TRPM1: variants seen among roughly 807,000 people sequenced by gnomAD.
The protein encoded by TRPM1 is TRPM1-203 APA Isoform, Intron 10.
Under a neutral mutation model 149.4 loss-of-function variants are expected in TRPM1, and 113 were observed. The observed-to-expected ratio is 0.76, with a 90% CI of 0.65 to 0.88. The LOEUF (loss-of-function observed/expected upper bound fraction) is 0.88. Among genes scored for constraint, TRPM1 ranks in the 40% least tolerant of loss-of-function variants. The probability of loss-of-function intolerance (pLI) is 0.00; values close to 1 mark genes in which losing one functional copy is unlikely to be tolerated. For synonymous variants in TRPM1, 741 were observed against 759.5 expected, an observed-to-expected ratio of 0.98 and a Z score of 0.40; for missense variants, 1,976 against 2,038.7, an observed-to-expected ratio of 0.97 and a Z score of 0.59.
rs547303327 is a variant in TRPM1, at chr15:31,120,531, C to G, written c.54+40375G>C. On this transcript the variant is annotated intron_variant, in intron 1 of 26. Transcript: ENST00000542188. ...TTAGTAAGGATATAGTTGCATTTAA[C>G]AGTACTATCTATTAACTTAATCTAA... 2.0e-5 allele frequency among the ~76,000 whole-genome samples: 3 copies of G among 152,284 alleles called. No individual in the cohort carries two copies. The South Asian group carries it at 6.2e-4, about 32-fold the overall frequency.
At chr15:31,104,844 C>T (rs958168528), upstream of TRPM1, among the ~76,000 whole-genome samples, 44 of 152,162 alleles carry the variant, frequency 2.9e-4, no homozygotes, top group Admixed American at 1.5e-3. Flanking sequence ...TCCGCCCACC[C>T]TGGCCTCCCA....
chr15:31,103,333 G>C (rs1490521319), upstream of TRPM1, among the ~76,000 whole-genome samples: 1 of 152,322 alleles, frequency 6.6e-6, no homozygotes. Context: ...CACAGGCCAC[G>C]CGTGGCTATG....
chr15:31,067,611 T>C (rs1263172757), intron 5 of TRPM1, among the ~76,000 whole-genome samples: 1 of 152,138 alleles, frequency 6.6e-6, no homozygotes, highest in African/African-American at 2.4e-5. Context: ...ATGATGCTTG[T>C]ACAGGGCTCA....
chr15:31,011,626 T>A (rs970279021), intron 27 of TRPM1, among the ~76,000 whole-genome samples: 1 of 151,892 alleles, frequency 6.6e-6, no homozygotes, highest in African/African-American at 2.4e-5. Context: ...ATCAGTAACA[T>A]CTTAATTTAT....
intron 1 of TRPM1, among the ~76,000 whole-genome samples, chr15:31,120,809 C>G (rs12324831): frequency 0.32 from 47,771 of 151,052 alleles, 8,261 homozygotes; most frequent in East Asian, 0.73. Flanking sequence ...TAACAGGAGT[C>G]AAAGAAAAAT....
chr15:31,116,286 C>T (rs960139245), intron 1 of TRPM1, among the ~76,000 whole-genome samples: 1 of 152,052 alleles, frequency 6.6e-6, no homozygotes, highest in Non-Finnish European at 1.5e-5. Flanking sequence ...AAGTCACAGC[C>T]CAAGAACACA....
At position 31,042,254 on chromosome 15, in the gene TRPM1, A is replaced by G; in HGVS notation, c.1795-11T>C. On this transcript the variant is annotated splice_polypyrimidine_tract_variant and intron_variant, in intron 16 of 27. Transcript: ENST00000256552. Reference sequence around the variant, plus strand: ...TGGAGGCTCATCATCCTGAGGGGAGAAACATGGATTTCATGGTTTTGCCAT... The same window carrying G: ...TGGAGGCTCATCATCCTGAGGGGAGGAACATGGATTTCATGGTTTTGCCAT... 6.4e-7 allele frequency: 1 copy of G among 1,560,200 alleles called. No homozygotes were observed.
chr15:31,087,038 C>T lies in TRPM1; in HGVS notation c.-83-5600G>A, dbSNP rs556102034. On this transcript the variant is annotated intron_variant, in intron 1 of 27. Coordinates refer to ENST00000256552, the MANE Select transcript of TRPM1 (RefSeq NM_001252024.2). ...AACCACAATGAGATACTATCTCATGCCCATTAGGATGGATACTCTGAAAAA... is the reference window on the plus strand; with the variant it reads ...AACCACAATGAGATACTATCTCATGTCCATTAGGATGGATACTCTGAAAAA... Among the ~76,000 whole-genome samples, 11 of 152,056 alleles carry T rather than the reference C, an allele frequency of 7.2e-5. No individual in the cohort carries two copies. The South Asian group carries it at 1.0e-3, about 14-fold the overall frequency.
chr15:31,065,239 C>G (rs994748635), intron 7 of TRPM1: 1 of 441,274 alleles, frequency 2.3e-6, no homozygotes, highest in Non-Finnish European at 4.6e-6. Flanking sequence ...AGATCTGATT[C>G]TCGGAAATCT....
chr15:31,077,499 C>T (rs950328793), intron 2 of TRPM1, among the ~76,000 whole-genome samples: 3 of 152,198 alleles, frequency 2.0e-5, no homozygotes, highest in Non-Finnish European at 2.9e-5. Context: ...GTGAACCGGC[C>T]TGCATCTGAA....
At chr15:31,119,869 T>C (rs2035853630) in intron 1 of TRPM1, among the ~76,000 whole-genome samples, 1 of 152,026 alleles carries the variant, frequency 6.6e-6, no homozygotes, top group South Asian at 2.1e-4. Flanking sequence ...ATTAATATGG[T>C]AAGAGAAGAG....
chr15:31,152,411 C>T (rs182018436), intron 1 of TRPM1, among the ~76,000 whole-genome samples: 14 of 152,280 alleles, frequency 9.2e-5, no homozygotes, highest in African/African-American at 3.1e-4. Context: ...GTGGAAGTGG[C>T]CCACTGCAGG....
At chr15:31,027,208 T>C in intron 25 of TRPM1, 91 bp from the exon 26 acceptor site, 1 of 1,232,672 alleles carries the variant, frequency 8.1e-7, no homozygotes, top group Non-Finnish European at 1.2e-6. Flanking sequence ...TAAGTGAAAA[T>C]ACTCAATGAG....
At chr15:31,113,721 T>C (rs563632596) in intron 1 of TRPM1, among the ~76,000 whole-genome samples, 3 of 152,200 alleles carry the variant, frequency 2.0e-5, no homozygotes, top group South Asian at 2.1e-4. Flanking sequence ...GGTGGATTTC[T>C]GGTCCCACCG....
chr15:31,046,608 C>T (rs2033772041), intron 15 of TRPM1, among the ~76,000 whole-genome samples: 3 of 152,200 alleles, frequency 2.0e-5, no homozygotes, highest in East Asian at 1.9e-4. Flanking sequence ...TGGGGAAAGA[C>T]GTGGCAGGTA....
intron 1 of TRPM1, among the ~76,000 whole-genome samples, chr15:31,133,128 G>A (rs1458736689): frequency 6.6e-6 from 1 of 152,204 alleles, no homozygotes; most frequent in Non-Finnish European, 1.5e-5. Flanking sequence ...GACCCTGGGA[G>A]TCAGGCTGCA....
chr15:31,027,645 C>G (rs2032844467), intron 25 of TRPM1, among the ~76,000 whole-genome samples: 1 of 152,172 alleles, frequency 6.6e-6, no homozygotes, highest in South Asian at 2.1e-4. Flanking sequence ...CTTAGGAAAA[C>G]CAGTTACCTT....
chr15:31,056,863 G>A (rs374856556), intron 11 of TRPM1, among the ~76,000 whole-genome samples: 15 of 152,312 alleles, frequency 9.8e-5, no homozygotes, highest in African/African-American at 3.6e-4. Flanking sequence ...TTCTAGAACT[G>A]TAAGAAATAA....
intron 27 of TRPM1, 130 bp downstream of exon 27, chr15:31,026,009 C>A (rs575042024): frequency 5.6e-5 from 77 of 1,374,078 alleles, no homozygotes; most frequent in Middle Eastern, 5.0e-4. Flanking sequence ...CACGTTAAAA[C>A]CTAAAGTTTA....
Sources: gnomAD v4.1 joint callset for allele counts (sites outside exome capture counted in the v4.1 genomes callset) on GRCh38, gnomAD v4.1.1 for gene constraint, MANE v1.5 for transcripts, NCBI Gene and HGNC (gene_info 2026-07-23, HGNC 2026-07-21) for gene names.